Variants in SASH1 observed in about 807,000 individuals in gnomAD.
SASH1 encodes SAM and SH3 domain containing 1, also known as SAM and SH3 domain-containing protein 1.
In SASH1, 44 loss-of-function variants were observed where a neutral mutation model predicts 125.2. The ratio of observed to expected loss-of-function variants is 0.35; its 90% CI spans 0.28 to 0.45. The LOEUF is 0.45. SASH1 is among the 20% of genes least tolerant of loss of function. SASH1 has a pLI of 1.00. For synonymous variants in SASH1, 639 were observed against 649.1 expected (o/e 0.98, Z 0.24); for missense variants, 1,426 against 1,614.5 (o/e 0.88, Z 2.00).
chr6:148,545,974 C>T, intron 18 of SASH1, 41 bp from the exon 19 acceptor site: 1 of 1,596,242 alleles, frequency 6.3e-7, no homozygotes, highest in Non-Finnish European at 8.5e-7. Flanking sequence ...AAAACAAAAT[C>T]CTTATGACTC....
intron 1 of SASH1, among the ~76,000 whole-genome samples, chr6:148,332,459 C>T (rs1480135633): frequency 6.6e-6 from 1 of 151,996 alleles, no homozygotes; most frequent in Non-Finnish European, 1.5e-5. Flanking sequence ...GTGTTGTTGT[C>T]GTCTGTAACA....
At chr6:148,220,784 C>T in the SASH1 span, among the ~76,000 whole-genome samples, 3 of 152,098 alleles carry the variant, frequency 2.0e-5, no homozygotes, top group Admixed American at 6.5e-5. Flanking sequence ...CATGGTGGCA[C>T]GCGCCTGTAG....
At chr6:148,446,448 G>A (rs1234139461) in intron 4 of SASH1, among the ~76,000 whole-genome samples, 3 of 152,056 alleles carry the variant, frequency 2.0e-5, no homozygotes, top group Admixed American at 1.3e-4. Flanking sequence ...TAGACATTGC[G>A]TAGGAGACTA....
intron 4 of SASH1, among the ~76,000 whole-genome samples, chr6:148,452,200 A>G (rs1562422711): frequency 1.3e-5 from 2 of 152,190 alleles, no homozygotes; most frequent in Non-Finnish European, 2.9e-5. Flanking sequence ...AAATAAATGG[A>G]CTGGCCCAAG....
At chr6:148,286,793 G>A (rs940932828) in intron 1 of SASH1, among the ~76,000 whole-genome samples, 1 of 152,110 alleles carries the variant, frequency 6.6e-6, no homozygotes, top group African/African-American at 2.4e-5. Flanking sequence ...GGGGAGTAGG[G>A]TTACAGCATA....
At chr6:148,287,912 A>G (rs986391644) in intron 1 of SASH1, among the ~76,000 whole-genome samples, 3 of 152,190 alleles carry the variant, frequency 2.0e-5, no homozygotes, top group African/African-American at 7.2e-5. Flanking sequence ...TTGGTACAGT[A>G]TGGAACTAAC....
At chr6:148,237,442 C>T in the SASH1 span, 2 of 152,184 alleles carry the variant, frequency 1.3e-5, no homozygotes, top group South Asian at 4.1e-4. Flanking sequence ...TTGCCTATAT[C>T]GCATAAGGTA....
intron 1 of SASH1, among the ~76,000 whole-genome samples, chr6:148,359,835 T>C (rs1311073259): frequency 6.6e-6 from 1 of 152,208 alleles, no homozygotes; most frequent in African/African-American, 2.4e-5. Context: ...CTCAGCTCAC[T>C]GCAACCTTTG....
Position 148,548,380 on chromosome 6 carries a change from T to A in SASH1, c.3566T>A (p.Ile1189Asn). The change falls in exon 20 of 20, where the codon ATC (isoleucine) becomes AAC (asparagine). Residue 1189 changes from isoleucine to asparagine, a missense_variant. This residue lies in a region of SASH1 where 634 missense variants were observed against 694.4 expected (regional missense o/e 0.91). Coordinates refer to ENST00000367467, the MANE Select transcript of SASH1 (RefSeq NM_015278.5). ...ISSVSDWLISIGLPMYAGTLS... is the reference protein window; with the variant it reads ...ISSVSDWLISNGLPMYAGTLS... ...TCTGTGTCAGATTGGCTCATTTCCA[T>A]CGGTCTGCCCATGTACGCCGGCACC... 1 of 1,614,210 alleles carries A rather than the reference T, an allele frequency of 6.2e-7. No homozygotes were observed. Among genetic ancestry groups the A allele is most frequent in the Non-Finnish European group, 8.5e-7 (1 of 1,180,024 alleles).
chr6:148,257,908 C>T, the SASH1 span, among the ~76,000 whole-genome samples: 3 of 152,264 alleles, frequency 2.0e-5, no homozygotes, highest in Admixed American at 6.5e-5. Context: ...GGATTACAGG[C>T]TGAGCCACCA....
intron 2 of SASH1, among the ~76,000 whole-genome samples, chr6:148,398,565 C>T (rs988704945): frequency 2.6e-5 from 4 of 152,172 alleles, no homozygotes; most frequent in African/African-American, 7.2e-5. Context: ...ACACAGAAGA[C>T]TTATGTCGTC....
intron 1 of SASH1, among the ~76,000 whole-genome samples, chr6:148,306,342 G>A (rs567233356): frequency 1.3e-4 from 20 of 152,286 alleles, no homozygotes; most frequent in African/African-American, 4.6e-4. Context: ...GATCTGAGGG[G>A]AAGATGGAAA....
chr6:148,237,926 A>G, the SASH1 span, among the ~76,000 whole-genome samples: 4 of 152,082 alleles, frequency 2.6e-5, no homozygotes, highest in Admixed American at 6.5e-5. Context: ...TCCAATGCAC[A>G]TTGTTCATAA....
In SASH1 at chr6:148,281,651, G is replaced by A. The variant is rs544775998; in HGVS notation, n.74+9274G>A. Among the ~76,000 whole-genome samples the A allele has an allele frequency of 5.2e-4, 79 of 152,252 alleles. 1 individual carries two copies. Among genetic ancestry groups the A allele is most frequent in the Non-Finnish European group, 2.5e-4 (17 of 68,024 alleles). On this transcript the variant is annotated intron_variant and non_coding_transcript_variant, in intron 1 of 3. Transcript: ENST00000367469. ...AAAAAGAAAATTCCAGGCCGGGCGC[G>A]GTGGCTCACGCCTGTAATCCCAGCA...
At chr6:148,309,290 T>G (rs942054251) in intron 1 of SASH1, among the ~76,000 whole-genome samples, 1 of 152,162 alleles carries the variant, frequency 6.6e-6, no homozygotes, top group Non-Finnish European at 1.5e-5. Context: ...TTTTCAGTGG[T>G]AAAGGCTAAG....
At position 148,519,672 on chromosome 6, in the gene SASH1, G is replaced by A; in HGVS notation, c.988G>A (p.Asp330Asn). The change falls in exon 10 of 20, where the codon GAC becomes AAC. Residue 330 changes from aspartate (D) to asparagine (N), a missense_variant. By Grantham distance (23) the Asp-to-Asn change is conservative. This residue lies in a region of SASH1 where 567 missense variants were observed against 575.6 expected (regional missense o/e 0.99). Coordinates refer to ENST00000367467, the MANE Select transcript of SASH1 (RefSeq NM_015278.5). This position sits in a 1 kb window ranked among gnomAD's most constrained non-coding sequence, Gnocchi z 4.8. ...TGAGAAACCTCCCGAAGATGACTCA[G>A]ACTCTCTCACCACGTCTCCATCCTC... ...SPEKPPEDDS[D>N]SLTTSPSSSS... 1 of 1,614,080 alleles carries A rather than the reference G, an allele frequency of 6.2e-7. No individual in the cohort carries two copies. The highest frequency in any genetic ancestry group is 1.7e-5 in the Admixed American group (1 of 60,008).
At chr6:148,384,629 A>C (rs1783285584) in intron 1 of SASH1, among the ~76,000 whole-genome samples, 1 of 152,186 alleles carries the variant, frequency 6.6e-6, no homozygotes, top group African/African-American at 2.4e-5. Context: ...TATTTTTAGT[A>C]AAATTAAATA....
At chr6:148,404,213 A>G (rs1159799068) in intron 2 of SASH1, among the ~76,000 whole-genome samples, 1 of 152,242 alleles carries the variant, frequency 6.6e-6, no homozygotes, top group African/African-American at 2.4e-5. Context: ...AAGTTTTGAA[A>G]GTATAATTCT....
At chr6:148,524,470 A>G (rs1374262513) in intron 10 of SASH1, 1 of 152,218 alleles carries the variant, frequency 6.6e-6, no homozygotes, top group Admixed American at 6.5e-5. Context: ...AAATACAGAA[A>G]TCACTAAGAT....
Sources: gnomAD v4.1 joint callset for allele counts (sites outside exome capture counted in the v4.1 genomes callset) on GRCh38, gnomAD v4.1.1 for gene constraint, gnomAD v4.1.1 regional missense constraint, Gnocchi (gnomAD v3.1) non-coding constraint, MANE v1.5 for transcripts, NCBI Gene and HGNC (gene_info 2026-07-23, HGNC 2026-07-21) for gene names.